DAAM2: variants seen among roughly 807,000 people sequenced by gnomAD.
The protein encoded by DAAM2 is dishevelled associated activator of morphogenesis 2.
In DAAM2, 39 loss-of-function variants were observed where a neutral mutation model predicts 120.7. That is an observed-to-expected ratio of 0.32 (90% CI 0.25 to 0.42). The LOEUF is 0.42. Among genes scored for constraint, DAAM2 ranks in the 10% least tolerant of loss-of-function variants. DAAM2 has a pLI of 1.00. For missense variants in DAAM2, 1,283 were observed against 1,401.7 expected, an observed-to-expected ratio of 0.92 and a Z score of 1.35; for synonymous variants, 488 against 524.9, an observed-to-expected ratio of 0.93 and a Z score of 0.96.
chr6:39,864,839 C>T (rs1764359578), intron 4 of DAAM2, 141 bp from the exon 5 acceptor site: 1 of 1,030,312 alleles, frequency 9.7e-7, no homozygotes, highest in African/African-American at 1.6e-5. Flanking sequence ...CTAGGTCTTC[C>T]CAGGGGCCGA....
intron 14 of DAAM2, among the ~76,000 whole-genome samples, chr6:39,881,180 G>C (rs1014681717): frequency 6.6e-6 from 1 of 152,186 alleles, no homozygotes; most frequent in Non-Finnish European, 1.5e-5. Flanking sequence ...GTAATAGTAA[G>C]GTCTATACAG....
chr6:39,886,638 C>G (rs1765392423), intron 15 of DAAM2: 1 of 395,246 alleles, frequency 2.5e-6, no homozygotes, highest in South Asian at 1.4e-4. Flanking sequence ...ATCAAATAGA[C>G]CCCTGGCAGC....
At chr6:39,864,203 C>G (rs1764325177) in intron 3 of DAAM2, among the ~76,000 whole-genome samples, 2 of 152,162 alleles carry the variant, frequency 1.3e-5, no homozygotes. Flanking sequence ...GTACACACAC[C>G]TGCATAGTTT....
At chr6:39,866,878 T>C (rs771968955) in intron 5 of DAAM2, among the ~76,000 whole-genome samples, 1 of 152,264 alleles carries the variant, frequency 6.6e-6, no homozygotes, top group African/African-American at 2.4e-5. Context: ...ACATTCATCA[T>C]TGAGGAAAAT....
chr6:39,888,665 G>A lies in DAAM2; in HGVS notation c.2061-14G>A, dbSNP rs2149351458. The A allele has an allele frequency of 1.2e-6, 2 of 1,612,188 alleles. No individual in the cohort carries two copies. Among genetic ancestry groups the A allele is most frequent in the Non-Finnish European group, 8.5e-7 (1 of 1,178,668 alleles). ...TTGAGGGCTGTCCTGGATTGAGGTG[G>A]GGTTTTGCCTTAGGTTGAAGCTTTC... On this transcript the variant is annotated splice_polypyrimidine_tract_variant and intron_variant, in intron 16 of 24. Coordinates refer to ENST00000274867, the MANE Select transcript of DAAM2 (RefSeq NM_001201427.2).
intron 1 of DAAM2, among the ~76,000 whole-genome samples, chr6:39,824,399 C>T (rs927823966): frequency 4.6e-5 from 7 of 152,168 alleles, no homozygotes; most frequent in Non-Finnish European, 8.8e-5. Context: ...CATCTCTGGC[C>T]CTGTAACCTG....
At chr6:39,832,925 C>G (rs1762969218) in intron 1 of DAAM2, among the ~76,000 whole-genome samples, 1 of 152,142 alleles carries the variant, frequency 6.6e-6, no homozygotes, top group Non-Finnish European at 1.5e-5. Flanking sequence ...GCCAGGACGT[C>G]CACCCACTCC....
At chr6:39,875,603 A>C (rs1464238813) in intron 11 of DAAM2, 135 bp downstream of exon 11, 4 of 1,092,874 alleles carry the variant, frequency 3.7e-6, no homozygotes, top group Non-Finnish European at 5.2e-6. Flanking sequence ...GCATGGTCCA[A>C]CAGAACTCTC....
intron 15 of DAAM2, chr6:39,886,518 C>G: frequency 2.5e-6 from 1 of 399,170 alleles, no homozygotes; most frequent in African/African-American, 2.1e-5. Flanking sequence ...CTGTACTGGG[C>G]CTGACAGAGA....
chr6:39,845,697 T>C (rs979924990), intron 1 of DAAM2, among the ~76,000 whole-genome samples: 1 of 152,030 alleles, frequency 6.6e-6, no homozygotes, highest in African/African-American at 2.4e-5. Context: ...TATACTTGCT[T>C]GTCCAGTGCA....
chr6:39,882,361 G>C (rs1765159622), intron 14 of DAAM2: 2 of 152,126 alleles, frequency 1.3e-5, no homozygotes, highest in African/African-American at 4.8e-5. Context: ...GAGAGAGAAA[G>C]AGCCCGAGCT....
chr6:39,879,475 G>C lies in DAAM2; in HGVS notation c.1843G>C (p.Glu615Gln), dbSNP rs745479278. ...GTCCTTCAACTGGGTGAAGCTGAAT[G>C]AGGTGAGCATCTGGGAAGGGGCTGG... ...LKSFNWVKLN[E>Q]ERVPGTVWNE... Residue 615 changes from glutamate to glutamine, a missense_variant and splice_region_variant, in exon 14 of 25, where the codon GAG becomes CAG. Coordinates refer to ENST00000274867, the MANE Select transcript of DAAM2 (RefSeq NM_001201427.2). The C allele has an allele frequency of 5.6e-6, 9 of 1,613,898 alleles. No homozygotes were observed. Among genetic ancestry groups the C allele is most frequent in the Non-Finnish European group, 5.1e-6 (6 of 1,179,908 alleles).
intron 22 of DAAM2, chr6:39,899,707 G>A (rs920234097): frequency 5.6e-6 from 1 of 178,214 alleles, no homozygotes; most frequent in Non-Finnish European, 1.2e-5. Context: ...GAATCAGCTG[G>A]GAGCTTTAGA....
intron 9 of DAAM2, among the ~76,000 whole-genome samples, chr6:39,872,743 A>G (rs947261819): frequency 7.2e-5 from 11 of 152,272 alleles, no homozygotes; most frequent in Admixed American, 5.2e-4. Context: ...CACACAACTA[A>G]AGCGTAGATC....
In DAAM2 at chr6:39,868,830, T is replaced by G; in HGVS notation, c.770T>G (p.Leu257Arg). The G allele has an allele frequency of 6.3e-7, 1 of 1,577,292 alleles. No homozygotes were observed. The highest frequency in any genetic ancestry group is 1.7e-4 in the Middle Eastern group (1 of 6,028). Residue 257 changes from leucine (L) to arginine (R), a missense_variant, in exon 7 of 25, where the codon CTG becomes CGG. Transcript: ENST00000274867. ...TCCTGCATTTCCACCTAGACCCTGC[T>G]GAACGAGCTAGACCGAAGTCTGGGC... is the stretch of plus-strand genomic sequence containing the variant. The part of the protein sequence containing the change: ...AAERTRFQTL[L>R]NELDRSLGRY...
chr6:39,890,435 A>C (rs1042198615), intron 17 of DAAM2, among the ~76,000 whole-genome samples: 1 of 152,216 alleles, frequency 6.6e-6, no homozygotes, highest in Non-Finnish European at 1.5e-5. Flanking sequence ...ATACAGTAGA[A>C]TCCTACTCAG....
At chr6:39,862,092 ATTC>A (rs1764235001) in intron 3 of DAAM2, 1 of 152,226 alleles carries the variant, frequency 6.6e-6, no homozygotes, top group Non-Finnish European at 1.5e-5. Context: ...ATGCAGTCTC[ATTC>A]TTTATTCTAC....
intron 15 of DAAM2, 135 bp from the exon 16 acceptor site, chr6:39,887,351 C>G: frequency 1.6e-6 from 1 of 625,172 alleles, no homozygotes; most frequent in South Asian, 2.0e-5. Context: ...CCTCCTCTCT[C>G]TCCTGTCTTT....
At chr6:39,882,982 G>C (rs1459185690) in intron 14 of DAAM2, among the ~76,000 whole-genome samples, 1 of 152,102 alleles carries the variant, frequency 6.6e-6, no homozygotes, top group South Asian at 2.1e-4. Flanking sequence ...TTCTGAGGGG[G>C]GTTGTAGGGA....
Sources: gnomAD v4.1 joint callset for allele counts (sites outside exome capture counted in the v4.1 genomes callset) on GRCh38, gnomAD v4.1.1 for gene constraint, MANE v1.5 for transcripts, NCBI Gene and HGNC (gene_info 2026-07-23, HGNC 2026-07-21) for gene names.